The following SLC13A1 variants were observed in gnomAD, a reference collection of about 807,000 sequenced individuals.
The protein encoded by SLC13A1 is Na(+)/sulfate cotransporter.
Under a neutral mutation model 70.0 loss-of-function variants are expected in SLC13A1, and 65 were observed. That is an observed-to-expected ratio of 0.93 (90% CI 0.76 to 1.14). The LOEUF (loss-of-function observed/expected upper bound fraction) is 1.14. Ranked by LOEUF, SLC13A1 falls within the 50% of genes most tolerant of loss-of-function variation. The pLI is 0.00. For synonymous variants in SLC13A1, 275 were observed against 250.5 expected, an observed-to-expected ratio of 1.10 and a Z score of -0.92; for missense variants, 726 against 717.8, an observed-to-expected ratio of 1.01 and a Z score of -0.13.
intron 6 of SLC13A1, among the ~76,000 whole-genome samples, chr7:123,164,264 CATT>C (rs1795003732): frequency 1.3e-5 from 2 of 151,578 alleles, no homozygotes; most frequent in Non-Finnish European, 2.9e-5. Flanking sequence ...ATTTGGGGGC[CATT>C]ATTATTTTTT....
At chr7:123,126,582 G>A (rs1436829759) in intron 10 of SLC13A1, among the ~76,000 whole-genome samples, 3 of 151,990 alleles carry the variant, frequency 2.0e-5, no homozygotes, top group African/African-American at 7.2e-5. Flanking sequence ...ATACACTACC[G>A]AAGCTTCTCT....
chr7:123,179,223 A>T (rs1252208289), intron 2 of SLC13A1, among the ~76,000 whole-genome samples: 3 of 152,196 alleles, frequency 2.0e-5, no homozygotes, highest in Non-Finnish European at 2.9e-5. Context: ...GTTAGAAATA[A>T]GTTTAATGAG....
chr7:123,194,580 T>C (rs769437225), intron 1 of SLC13A1, among the ~76,000 whole-genome samples: 1 of 151,880 alleles, frequency 6.6e-6, no homozygotes, highest in South Asian at 2.1e-4. Flanking sequence ...CCAGAGACTG[T>C]AGGGGAAAGT....
At chr7:123,174,262 T>A (rs1354796294) in intron 2 of SLC13A1, among the ~76,000 whole-genome samples, 1 of 152,092 alleles carries the variant, frequency 6.6e-6, no homozygotes, top group Non-Finnish European at 1.5e-5. Context: ...GTCTTCTGAG[T>A]TTCAGACTGA....
At chr7:123,184,348 A>G (rs555975245) in intron 1 of SLC13A1, among the ~76,000 whole-genome samples, 2 of 152,166 alleles carry the variant, frequency 1.3e-5, no homozygotes, top group East Asian at 3.9e-4. Flanking sequence ...TACAGTCACC[A>G]TGTTGTACAA....
intron 2 of SLC13A1, among the ~76,000 whole-genome samples, chr7:123,172,825 G>A (rs1261324589): frequency 1.3e-5 from 2 of 151,934 alleles, no homozygotes; most frequent in East Asian, 1.9e-4. Context: ...AATTGATTAG[G>A]TTGAGAAAAC....
chr7:123,146,233 T>C (rs77549555), intron 7 of SLC13A1, among the ~76,000 whole-genome samples: 2,328 of 152,268 alleles, frequency 0.015, 30 homozygotes, highest in East Asian at 0.027. Flanking sequence ...TGTTGTTAAA[T>C]TCATAATGTG....
At chr7:123,141,926 A>G (rs1337053620) in intron 7 of SLC13A1, among the ~76,000 whole-genome samples, 4 of 152,004 alleles carry the variant, frequency 2.6e-5, no homozygotes, top group Non-Finnish European at 5.9e-5. Context: ...ACTTACATTC[A>G]ATGTTACTAT....
chr7:123,116,008 A>G (rs1435251698), intron 14 of SLC13A1, among the ~76,000 whole-genome samples: 1 of 152,222 alleles, frequency 6.6e-6, no homozygotes, highest in Non-Finnish European at 1.5e-5. Context: ...AATTCTGATT[A>G]GAGGAAAATC....
chr7:123,122,123 C>CT (rs755419045), intron 12 of SLC13A1, among the ~76,000 whole-genome samples: 3 of 152,116 alleles, frequency 2.0e-5, no homozygotes, highest in Admixed American at 1.3e-4. Context: ...TTCAAAATCA[C>CT]TTTGAGTGTC....
At position 123,140,211 on chromosome 7, in the gene SLC13A1, T is replaced by G. The variant is rs138754337; in HGVS notation, c.813-5682A>C. ...ATCATATAGTTTTGGTCCTTCCTTT[T>G]GTTGTTATGATGTATTATTACATTC... On this transcript the variant is annotated intron_variant, in intron 7 of 14. Coordinates refer to ENST00000194130, the MANE Select transcript of SLC13A1 (RefSeq NM_022444.4). 3.3e-3 allele frequency among the ~76,000 whole-genome samples: 497 copies of G among 152,228 alleles called. 4 individuals are homozygous for G. Among genetic ancestry groups the G allele is most frequent in the African/African-American group, 0.012 (483 of 41,558 alleles).
intron 7 of SLC13A1, among the ~76,000 whole-genome samples, chr7:123,136,299 T>G (rs948120575): frequency 1.3e-5 from 2 of 152,224 alleles, no homozygotes; most frequent in African/African-American, 4.8e-5. Flanking sequence ...AAAGTTAAAC[T>G]TCATTGTTAT....
chr7:123,129,605 T>C (rs907157578), intron 8 of SLC13A1, 124 bp from the exon 9 acceptor site: 5 of 681,734 alleles, frequency 7.3e-6, no homozygotes, highest in African/African-American at 1.8e-5. Context: ...GCAATATGAA[T>C]CTCCCCGTTA....
At chr7:123,163,338 C>T (rs1042790124) in intron 6 of SLC13A1, among the ~76,000 whole-genome samples, 1 of 152,042 alleles carries the variant, frequency 6.6e-6, no homozygotes, top group Admixed American at 6.6e-5. Context: ...TAACTATTCA[C>T]CACTTTATTT....
chr7:123,159,497 C>A lies in SLC13A1; in HGVS notation c.660+8877G>T, dbSNP rs1006021784. Among the ~76,000 whole-genome samples, 73 of 152,152 alleles carry A rather than the reference C, an allele frequency of 4.8e-4. 1 individual carries two copies. The highest frequency in any genetic ancestry group is 1.7e-3 in the African/African-American group (71 of 41,442). On this transcript the variant is annotated intron_variant, in intron 6 of 14. Coordinates refer to ENST00000194130, the MANE Select transcript of SLC13A1 (RefSeq NM_022444.4). ...TCACTAGAAACCGACCCAGATAACA[C>A]CTTGATCTTGTACTTGGCTAGCCTC...
At chr7:123,129,345 T>C (rs1350279453) in intron 9 of SLC13A1, 38 bp downstream of exon 9, 12 of 1,019,342 alleles carry the variant, frequency 1.2e-5, no homozygotes, top group Non-Finnish European at 1.8e-5. Flanking sequence ...TGTGTGTGTG[T>C]GTGTGTGTGT....
chr7:123,189,488 T>A (rs1242077718), intron 1 of SLC13A1, among the ~76,000 whole-genome samples: 1 of 152,174 alleles, frequency 6.6e-6, no homozygotes, highest in Non-Finnish European at 1.5e-5. Flanking sequence ...AACTCCTTCA[T>A]CTTATATGTT....
chr7:123,119,874 A>G (rs1405900003), intron 12 of SLC13A1, among the ~76,000 whole-genome samples: 2 of 152,040 alleles, frequency 1.3e-5, no homozygotes, highest in Non-Finnish European at 2.9e-5. Flanking sequence ...ATGATTAAAT[A>G]AATATTGTTC....
intron 14 of SLC13A1, among the ~76,000 whole-genome samples, chr7:123,116,374 T>C (rs1287042681): frequency 6.6e-6 from 1 of 152,224 alleles, no homozygotes; most frequent in Non-Finnish European, 1.5e-5. Flanking sequence ...TTTCTTTGCT[T>C]TCATGATACA....
Sources: allele counts gnomAD v4.1 joint callset (sites outside exome capture counted in the v4.1 genomes callset), GRCh38; gene constraint gnomAD v4.1.1; transcripts MANE v1.5; gene names NCBI Gene and HGNC (gene_info 2026-07-23, HGNC 2026-07-21).